The following EXT1 variants were observed in gnomAD, a reference collection of about 807,000 sequenced individuals.
EXT1 encodes exostosin glycosyltransferase 1, also known as exostosin-1.
EXT1 carries 20 observed loss-of-function variants against 82.5 expected under a neutral mutation model. That is an observed-to-expected ratio of 0.24 (90% CI 0.17 to 0.35). The LOEUF (loss-of-function observed/expected upper bound fraction) is 0.35. Ranked by LOEUF, EXT1 falls within the 10% of genes least tolerant of loss-of-function variation. EXT1 has a pLI of 1.00. For missense variants in EXT1, 757 were observed against 936.5 expected (o/e 0.81, Z 2.50); for synonymous variants, 348 against 350.8 (o/e 0.99, Z 0.09).
chr8:117,916,665 C>A (rs1451396502), intron 1 of EXT1, among the ~76,000 whole-genome samples: 1 of 152,216 alleles, frequency 6.6e-6, no homozygotes, highest in African/African-American at 2.4e-5. Flanking sequence ...GTAATCCCAG[C>A]ACTTTGGGAC....
At chr8:117,917,378 T>A (rs909529371) in intron 1 of EXT1, among the ~76,000 whole-genome samples, 3 of 152,048 alleles carry the variant, frequency 2.0e-5, no homozygotes, top group African/African-American at 7.2e-5. Flanking sequence ...GGCAAGAGAA[T>A]CACTTGAACC....
chr8:118,005,872 A>G (rs912516510), intron 1 of EXT1, among the ~76,000 whole-genome samples: 10 of 152,250 alleles, frequency 6.6e-5, no homozygotes, highest in African/African-American at 2.2e-4. Flanking sequence ...ACCAATACAC[A>G]GCCCTAATAA....
intron 1 of EXT1, among the ~76,000 whole-genome samples, chr8:118,010,843 G>A (rs1815885082): frequency 6.6e-6 from 1 of 152,190 alleles, no homozygotes; most frequent in Admixed American, 6.5e-5. Flanking sequence ...TTCTCCCCTT[G>A]CTAGAAGCCA....
chr8:117,903,442 G>A (rs767000465), intron 1 of EXT1, among the ~76,000 whole-genome samples: 8 of 152,158 alleles, frequency 5.3e-5, no homozygotes, highest in Non-Finnish European at 1.0e-4. Flanking sequence ...AAAACTCTAT[G>A]TTTATTGTTA....
chr8:117,830,322 G>A lies in EXT1; in HGVS notation c.1192C>T (p.Gln398Ter), dbSNP rs561006425. The A allele has an allele frequency of 6.2e-7, 1 of 1,613,992 alleles. No homozygotes were observed. The change falls in exon 4 of 11, where the codon CAG becomes TAG. Residue 398 changes from glutamine (Q) to a stop codon, truncating the protein, a stop_gained. Transcript: ENST00000378204. LOFTEE classifies it high-confidence loss of function. Reference sequence around the variant, plus strand: ...TGTCTAAGTGCTAGGATTTTATCCTGATGAATAGACCTGATTGTAGAAGGA... The same window carrying A: ...TGTCTAAGTGCTAGGATTTTATCCTAATGAATAGACCTGATTGTAGAAGGA... ...QIPSTIRSIH[Q>*]DKILALRQQT...
Position 117,933,947 on chromosome 8 carries a change from G to C in EXT1, c.963-96746C>G, listed in dbSNP as rs17475883. Among the ~76,000 whole-genome samples, 1,181 of 152,138 alleles carry C rather than the reference G, an allele frequency of 7.8e-3. 12 individuals are homozygous for C. The highest frequency in any genetic ancestry group is 0.027 in the African/African-American group (1,137 of 41,508). ...AAGATGCCCTCTTCACAGAGCAATGGATCCCCCTCTCCTGGTTCCAGCTCT... is the reference window on the plus strand; with the variant it reads ...AAGATGCCCTCTTCACAGAGCAATGCATCCCCCTCTCCTGGTTCCAGCTCT... On this transcript the variant is annotated intron_variant, in intron 1 of 10. Transcript: ENST00000378204.
At chr8:118,103,222 C>A (rs1373659348) in intron 1 of EXT1, among the ~76,000 whole-genome samples, 1 of 152,168 alleles carries the variant, frequency 6.6e-6, no homozygotes, top group Non-Finnish European at 1.5e-5. Flanking sequence ...TCATCAGTCA[C>A]TGCAGCCTCA....
intron 1 of EXT1, among the ~76,000 whole-genome samples, chr8:118,038,166 T>C (rs947284840): frequency 1.3e-5 from 2 of 152,154 alleles, no homozygotes; most frequent in African/African-American, 4.8e-5. Flanking sequence ...AAATTAAGGA[T>C]TTGAGTTCTG....
intron 2 of EXT1, 67 bp from the exon 3 acceptor site, chr8:117,835,618 G>T: frequency 8.4e-7 from 1 of 1,190,240 alleles, no homozygotes; most frequent in Admixed American, 1.7e-5. Context: ...AATCAGAGGT[G>T]AAATCAGTAC....
At chr8:118,034,848 C>T (rs1330150178) in intron 1 of EXT1, among the ~76,000 whole-genome samples, 1 of 152,148 alleles carries the variant, frequency 6.6e-6, no homozygotes, top group African/African-American at 2.4e-5. Flanking sequence ...CATGATGTTC[C>T]TACTTGTACA....
intron 1 of EXT1, among the ~76,000 whole-genome samples, chr8:118,003,719 A>G (rs1316834801): frequency 1.3e-5 from 2 of 152,206 alleles, no homozygotes; most frequent in African/African-American, 4.8e-5. Flanking sequence ...TTCAATTTAA[A>G]TGTTGCTTAA....
intron 1 of EXT1, among the ~76,000 whole-genome samples, chr8:117,932,906 A>C (rs1380371193): frequency 6.6e-6 from 1 of 152,186 alleles, no homozygotes; most frequent in Non-Finnish European, 1.5e-5. Context: ...GTGGCTGAGT[A>C]ACCTATCCAA....
At chr8:118,009,939 C>T (rs1815860443) in intron 1 of EXT1, among the ~76,000 whole-genome samples, 1 of 152,116 alleles carries the variant, frequency 6.6e-6, no homozygotes, top group South Asian at 2.1e-4. Context: ...AGGAGGTCTT[C>T]AACTGCTGAG....
chr8:117,824,558 T>C (rs777974395), intron 4 of EXT1, among the ~76,000 whole-genome samples: 1 of 152,228 alleles, frequency 6.6e-6, no homozygotes, highest in Non-Finnish European at 1.5e-5. Flanking sequence ...ACATTAATTA[T>C]AACAACGTCT....
chr8:117,875,310 A>G (rs1168945286), intron 1 of EXT1, among the ~76,000 whole-genome samples: 1 of 152,008 alleles, frequency 6.6e-6, no homozygotes, highest in Admixed American at 6.6e-5. Context: ...AATCCCAGAT[A>G]CTCGGGAGGC....
intron 1 of EXT1, among the ~76,000 whole-genome samples, chr8:117,993,631 G>A (rs1815479379): frequency 6.6e-6 from 1 of 152,184 alleles, no homozygotes; most frequent in Non-Finnish European, 1.5e-5. Flanking sequence ...AAGGGGTTCT[G>A]TTCATATCAA....
chr8:117,834,645 G>A (rs1321766781), intron 3 of EXT1, among the ~76,000 whole-genome samples: 1 of 151,692 alleles, frequency 6.6e-6, no homozygotes, highest in African/African-American at 2.4e-5. Flanking sequence ...CACAGACTTA[G>A]AAACTCAATT....
At chr8:117,895,200 G>T (rs1376858880) in intron 1 of EXT1, among the ~76,000 whole-genome samples, 4 of 152,152 alleles carry the variant, frequency 2.6e-5, no homozygotes, top group Admixed American at 6.5e-5. Flanking sequence ...GGCTCTAATA[G>T]GGTCTCTGTG....
rs987001676 is a variant in EXT1, at chr8:117,798,379, A to G, written c.*1333T>C. 4 of 151,090 alleles carry G rather than the reference A, an allele frequency of 2.6e-5. No homozygotes were observed. 9.4% of individuals were successfully genotyped at this position (151,090 alleles called of 1,614,324 possible). A position where few individuals can be genotyped will look rare whatever the true frequency, so the allele number is the denominator to read the frequency against. On this transcript the variant is annotated 3_prime_UTR_variant, in exon 11 of 11. Coordinates refer to ENST00000378204, the MANE Select transcript of EXT1 (RefSeq NM_000127.3). ...AAAGCATTTAATATCAGAAGTCTCC[A>G]TTTTTCATAACAGAGTTAGGGATAT...
Sources: gnomAD v4.1 joint callset for allele counts (sites outside exome capture counted in the v4.1 genomes callset) on GRCh38, gnomAD v4.1.1 for gene constraint, MANE v1.5 for transcripts, NCBI Gene and HGNC (gene_info 2026-07-23, HGNC 2026-07-21) for gene names.